The following LUZP2 variants were observed in gnomAD, a reference collection of about 807,000 sequenced individuals.
LUZP2 encodes the protein leucine zipper protein 2.
In LUZP2, 52 loss-of-function variants were observed where a neutral mutation model predicts 51.6. The observed-to-expected ratio is 1.01, with a 90% CI of 0.81 to 1.27. The LOEUF is 1.27. LUZP2 is among the 50% of genes most tolerant of loss of function. LUZP2 has a pLI of 0.00. For missense variants in LUZP2, 436 were observed against 395.4 expected, an observed-to-expected ratio of 1.10 and a Z score of -0.87; for synonymous variants, 154 against 137.3, an observed-to-expected ratio of 1.12 and a Z score of -0.85.
At chr11:24,760,387 G>T (rs971193266) in intron 4 of LUZP2, among the ~76,000 whole-genome samples, 1 of 152,072 alleles carries the variant, frequency 6.6e-6, no homozygotes. Context: ...GGAGGACTTA[G>T]AGTTTTACTT....
At chr11:24,973,336 G>T (rs1855798562) in intron 7 of LUZP2, among the ~76,000 whole-genome samples, 2 of 126,760 alleles carry the variant, frequency 1.6e-5, no homozygotes, top group African/African-American at 2.8e-5. Flanking sequence ...TTCTTTATTA[G>T]TCTAGCTAGT....
intron 9 of LUZP2, among the ~76,000 whole-genome samples, chr11:25,048,335 C>T (rs1858384716): frequency 2.6e-5 from 4 of 152,250 alleles, no homozygotes; most frequent in Middle Eastern, 3.4e-3. Flanking sequence ...CAAAAATAAC[C>T]CTCTTCACTA....
chr11:25,057,514 ATG>A (rs1193553744), intron 10 of LUZP2, among the ~76,000 whole-genome samples: 2 of 152,186 alleles, frequency 1.3e-5, no homozygotes, highest in African/African-American at 4.8e-5. Context: ...AAAGCAAAGG[ATG>A]TGTCTACTCC....
At chr11:24,715,658 T>C (rs1338620784) in intron 1 of LUZP2, among the ~76,000 whole-genome samples, 1 of 152,190 alleles carries the variant, frequency 6.6e-6, no homozygotes, top group Non-Finnish European at 1.5e-5. Flanking sequence ...TCCATGAAAT[T>C]TTCTGTGACT....
intron 1 of LUZP2, among the ~76,000 whole-genome samples, chr11:24,621,414 T>A (rs1393587695): frequency 6.6e-6 from 1 of 152,190 alleles, no homozygotes; most frequent in Admixed American, 6.5e-5. Context: ...TATTTTTTTT[T>A]ATGAAGTCAG....
intron 7 of LUZP2, among the ~76,000 whole-genome samples, chr11:24,953,324 C>A (rs1004581177): frequency 3.3e-5 from 5 of 151,742 alleles, no homozygotes; most frequent in African/African-American, 1.2e-4. Flanking sequence ...CCTAGGGGAC[C>A]ATGATATTCA....
rs1859446647 is a variant in LUZP2 at position 25,081,035 on chromosome 11, T to TTTG, written c.*2379_*2380insGTT. On this transcript the variant is annotated 3_prime_UTR_variant, in exon 12 of 12. Coordinates refer to ENST00000336930, the MANE Select transcript of LUZP2 (RefSeq NM_001009909.4). The stretch of plus-strand genomic sequence containing the variant: ...TGGGCTTTGGATCCATATGATTTTT[T>TTTG]TTTTTTTTTTTTTTTGAGATGAAAT... 1 of 141,142 alleles carries TTTG rather than the reference T, an allele frequency of 7.1e-6. No individual in the cohort carries two copies. The highest frequency in any genetic ancestry group is 2.1e-4 in the East Asian group (1 of 4,706). The allele number at this position is 141,142 out of a possible 1,614,324, so 8.7% of individuals were successfully genotyped here. A position where few individuals can be genotyped will look rare whatever the true frequency, so the allele number is the denominator to read the frequency against.
chr11:24,995,346 T>C (rs1218501375), intron 9 of LUZP2, among the ~76,000 whole-genome samples: 2 of 152,070 alleles, frequency 1.3e-5, no homozygotes, highest in Non-Finnish European at 2.9e-5. Context: ...TGAGCACAGA[T>C]TGCACCACTA....
chr11:24,711,252 A>C (rs928027385), intron 1 of LUZP2, among the ~76,000 whole-genome samples: 11 of 149,048 alleles, frequency 7.4e-5, no homozygotes, highest in East Asian at 2.2e-4. Flanking sequence ...GATCGAGACC[A>C]TCCTGGCTAA....
chr11:24,560,059 C>T (rs772351014), intron 1 of LUZP2, among the ~76,000 whole-genome samples: 6 of 152,094 alleles, frequency 3.9e-5, no homozygotes, highest in Non-Finnish European at 7.3e-5. Context: ...ACCCCCATGG[C>T]ATGTGTATAC....
intron 5 of LUZP2, among the ~76,000 whole-genome samples, chr11:24,793,223 C>T (rs981694120): frequency 1.3e-5 from 2 of 152,110 alleles, no homozygotes; most frequent in African/African-American, 4.8e-5. Context: ...TTCAACCTTT[C>T]CTTGTGTCAA....
In LUZP2 at chr11:24,539,314, C is replaced by T. The variant is rs146665059; in HGVS notation, c.62+42009C>T. On this transcript the variant is annotated intron_variant, in intron 1 of 11. Transcript: ENST00000336930. ...TAATGGTGCTAATAAGTCCTCGTTG[C>T]CACAGATAATTTGAATATATGTGTG... Among the ~76,000 whole-genome samples, 358 of 151,894 alleles carry T rather than the reference C, an allele frequency of 2.4e-3. 1 individual carries two copies. Among genetic ancestry groups the T allele is most frequent in the African/African-American group, 8.3e-3 (343 of 41,492 alleles).
At chr11:24,894,187 T>C (rs1852954743) in intron 5 of LUZP2, among the ~76,000 whole-genome samples, 2 of 151,532 alleles carry the variant, frequency 1.3e-5, no homozygotes, top group South Asian at 4.2e-4. Context: ...TTTTTTTTTT[T>C]TTTTGTGATG....
intron 1 of LUZP2, among the ~76,000 whole-genome samples, chr11:24,511,042 C>T (rs1010509438): frequency 8.5e-5 from 13 of 152,166 alleles, no homozygotes; most frequent in African/African-American, 3.1e-4. Context: ...AGTAGAGTAG[C>T]TGGTCCCATA....
chr11:24,874,818 A>G (rs905198004), intron 5 of LUZP2, among the ~76,000 whole-genome samples: 20 of 152,138 alleles, frequency 1.3e-4, no homozygotes, highest in African/African-American at 9.7e-5. Context: ...TTCATTTTCT[A>G]TTTTAAGAGT....
chr11:24,622,315 T>C (rs2133908679), intron 1 of LUZP2, among the ~76,000 whole-genome samples: 1 of 151,150 alleles, frequency 6.6e-6, no homozygotes, highest in Non-Finnish European at 1.5e-5. Context: ...TGTGTGATGT[T>C]CCGCTTCCTG....
At chr11:24,839,179 AT>A (rs1300552800) in intron 5 of LUZP2, among the ~76,000 whole-genome samples, 2 of 151,540 alleles carry the variant, frequency 1.3e-5, no homozygotes, top group African/African-American at 4.8e-5. Flanking sequence ...CTTTCAAATA[AT>A]TTTTTAAAAA....
At chr11:24,930,721 A>G (rs948851328) in intron 7 of LUZP2, among the ~76,000 whole-genome samples, 2 of 152,148 alleles carry the variant, frequency 1.3e-5, no homozygotes, top group African/African-American at 2.4e-5. Context: ...TCTTTTTGCA[A>G]TGAGTTTCCC....
At position 24,689,890 on chromosome 11, in the gene LUZP2, T is replaced by C. The variant is rs574503966; in HGVS notation, c.63-39279T>C. Reference sequence around the variant, plus strand: ...TCCTATGTAGACAAATTCTTACTTCTCAACCCCTTTACTAATTTTCTTTCC... The same window carrying C: ...TCCTATGTAGACAAATTCTTACTTCCCAACCCCTTTACTAATTTTCTTTCC... On this transcript the variant is annotated intron_variant, in intron 1 of 11. Transcript: ENST00000336930. 8.1e-4 allele frequency among the ~76,000 whole-genome samples: 123 copies of C among 152,264 alleles called. 1 individual carries two copies. Among genetic ancestry groups the C allele is most frequent in the Middle Eastern group, 3.4e-3 (1 of 294 alleles).
Sources: gnomAD v4.1 joint callset for allele counts (sites outside exome capture counted in the v4.1 genomes callset) on GRCh38, gnomAD v4.1.1 for gene constraint, MANE v1.5 for transcripts, NCBI Gene and HGNC (gene_info 2026-07-23, HGNC 2026-07-21) for gene names.